ANXA7: variants seen among roughly 807,000 people sequenced by gnomAD.
ANXA7 encodes annexin VII.
In ANXA7, 55 loss-of-function variants were observed where a neutral mutation model predicts 64.9. The observed-to-expected ratio is 0.85, with a 90% CI of 0.68 to 1.06. The LOEUF (loss-of-function observed/expected upper bound fraction) is 1.06. ANXA7 is among the 50% of genes least tolerant of loss of function. ANXA7 has a pLI of 0.00. For missense variants in ANXA7, 548 were observed against 582.1 expected (o/e 0.94, Z 0.60); for synonymous variants, 200 against 192.4 (o/e 1.04, Z -0.33).
At chr10:73,391,937 T>C (rs1249666476) in intron 5 of ANXA7, among the ~76,000 whole-genome samples, 1 of 151,892 alleles carries the variant, frequency 6.6e-6, no homozygotes, top group African/African-American at 2.4e-5. Flanking sequence ...AATTGTTGCA[T>C]AAAATAAGTT....
intron 6 of ANXA7, 125 bp from the exon 7 acceptor site, chr10:73,387,908 A>G: frequency 9.4e-6 from 7 of 748,328 alleles, no homozygotes; most frequent in Non-Finnish European, 1.6e-5. Context: ...TGCAAGTGCA[A>G]TGGTGTGATC....
At chr10:73,387,641 G>C in intron 7 of ANXA7, 48 bp downstream of exon 7, 1 of 1,391,326 alleles carries the variant, frequency 7.2e-7, no homozygotes, top group Non-Finnish European at 1.0e-6. Context: ...CATGAATGCA[G>C]AGTCTACCAG....
intron 5 of ANXA7, among the ~76,000 whole-genome samples, chr10:73,395,710 C>T (rs548464933): frequency 3.3e-5 from 5 of 151,516 alleles, no homozygotes; most frequent in Admixed American, 2.0e-4. Flanking sequence ...CGCTTGAACC[C>T]GGAAGGTGGA....
chr10:73,410,169 AC>A (rs2055816901), intron 1 of ANXA7, among the ~76,000 whole-genome samples: 1 of 152,194 alleles, frequency 6.6e-6, no homozygotes, highest in South Asian at 2.1e-4. Context: ...ACCTAATTAA[AC>A]TAAAAAGCTT....
At chr10:73,393,519 C>T (rs895040914) in intron 5 of ANXA7, among the ~76,000 whole-genome samples, 5 of 152,036 alleles carry the variant, frequency 3.3e-5, no homozygotes, top group Non-Finnish European at 5.9e-5. Flanking sequence ...AGATATAGAC[C>T]AATGGAACAG....
intron 5 of ANXA7, among the ~76,000 whole-genome samples, chr10:73,388,932 T>C (rs975391671): frequency 2.0e-5 from 3 of 152,208 alleles, no homozygotes; most frequent in African/African-American, 7.2e-5. Flanking sequence ...AAAATTGCCA[T>C]TTAGCAAATA....
rs533378083 is a variant in ANXA7, at chr10:73,384,411, A to AT, written c.634-722dup. Among the ~76,000 whole-genome samples, 338 of 151,700 alleles carry AT rather than the reference A, an allele frequency of 2.2e-3. 2 individuals are homozygous for AT. The highest frequency in any genetic ancestry group is 7.2e-3 in the African/African-American group (299 of 41,428). On this transcript the variant is annotated intron_variant, in intron 7 of 12. Coordinates refer to ENST00000372921, the MANE Select transcript of ANXA7 (RefSeq NM_001156.5). ...TTGTTCTTATTTGTTTTTTGTTGTTATTTTTTTTGAGACAGAGTCTCGCTC... is the reference window on the plus strand; with the variant it reads ...TTGTTCTTATTTGTTTTTTGTTGTTATTTTTTTTTGAGACAGAGTCTCGCTC...
In ANXA7 at chr10:73,398,239, T is replaced by C. The variant is rs755347475; in HGVS notation, c.201A>G (p.Pro67=). Residue 67 remains proline (P), a synonymous_variant, in exon 3 of 13, where the codon CCA becomes CCG. Transcript: ENST00000372921. ...GGGCACCAGGATAGCCTCCAGGGGC[T>C]GGATAACCTCCAGGCGCAGGGTAGC... ...AGGYPAPGGY[P]APGGYPGAPQ... 1.4e-5 allele frequency: 22 copies of C among 1,614,010 alleles called. No individual in the cohort carries two copies. The highest frequency in any genetic ancestry group is 1.9e-5 in the Non-Finnish European group (22 of 1,179,988).
At chr10:73,380,246 C>A (rs761969470) in intron 9 of ANXA7, 45 bp from the exon 10 acceptor site, 1 of 1,558,622 alleles carries the variant, frequency 6.4e-7, no homozygotes, top group South Asian at 1.2e-5. Flanking sequence ...AATAATAGTT[C>A]TACTAAATTT....
chr10:73,392,060 T>C (rs560241438), intron 5 of ANXA7, among the ~76,000 whole-genome samples: 89 of 152,170 alleles, frequency 5.8e-4, no homozygotes, highest in African/African-American at 2.0e-3. Context: ...CATCAGAGAA[T>C]AGGATGAACA....
intron 5 of ANXA7, among the ~76,000 whole-genome samples, chr10:73,390,463 T>C (rs774310901): frequency 6.6e-6 from 1 of 152,120 alleles, no homozygotes; most frequent in Non-Finnish European, 1.5e-5. Flanking sequence ...AATATACCTA[T>C]AGTGGTTTTA....
chr10:73,380,926 G>A (rs1034433667), intron 9 of ANXA7, among the ~76,000 whole-genome samples: 2 of 152,128 alleles, frequency 1.3e-5, no homozygotes, highest in Non-Finnish European at 2.9e-5. Flanking sequence ...TGTGTTAAGC[G>A]GTAGGGACAC....
At chr10:73,413,158 G>A (rs1013302654) in intron 1 of ANXA7, among the ~76,000 whole-genome samples, 6 of 151,822 alleles carry the variant, frequency 4.0e-5, no homozygotes, top group Non-Finnish European at 8.8e-5. Flanking sequence ...CACCAGTGAG[G>A]ACTGAAAGAC....
In ANXA7 at chr10:73,387,792, A is replaced by G. The variant is rs963743811; in HGVS notation, c.539-9T>C. ...TGCCTGCTCATCTGTCCCTGGAAGA[A>G]CCACACATGTTTAAGTAAGGACAAA... is the stretch of plus-strand genomic sequence containing the variant. On this transcript the variant is annotated splice_polypyrimidine_tract_variant and intron_variant, in intron 6 of 12. Coordinates refer to ENST00000372921, the MANE Select transcript of ANXA7 (RefSeq NM_001156.5). 2 of 1,611,308 alleles carry G rather than the reference A, an allele frequency of 1.2e-6. No homozygotes were observed. The highest frequency in any genetic ancestry group is 1.7e-6 in the Non-Finnish European group (2 of 1,178,148).
intron 5 of ANXA7, chr10:73,395,954 G>A (rs1173074969): frequency 2.4e-6 from 2 of 832,712 alleles, no homozygotes; most frequent in African/African-American, 1.7e-5. Context: ...GAGCCCTTAA[G>A]AAGTAGTGAG....
intron 12 of ANXA7, among the ~76,000 whole-genome samples, chr10:73,377,721 T>C (rs531585221): frequency 5.3e-5 from 8 of 150,752 alleles, no homozygotes; most frequent in African/African-American, 2.0e-4. Flanking sequence ...AGGTGATCCT[T>C]CCACCTCAAC....
At chr10:73,392,560 T>G (rs1344645052) in intron 5 of ANXA7, among the ~76,000 whole-genome samples, 2 of 152,160 alleles carry the variant, frequency 1.3e-5, no homozygotes, top group Non-Finnish European at 2.9e-5. Context: ...TGCAAATCAG[T>G]AAATGTAATC....
intron 5 of ANXA7, among the ~76,000 whole-genome samples, chr10:73,390,713 TATATATAA>T (rs2055462131): frequency 4.4e-5 from 5 of 114,710 alleles, no homozygotes; most frequent in Admixed American, 2.5e-4. Context: ...TATATATATA[TATATATAA>T]AAATATATAT....
At position 73,376,250 on chromosome 10, in the gene ANXA7, C is replaced by T. The variant is rs766142987; in HGVS notation, c.1279-33G>A. Reference sequence around the variant, plus strand: ...AGAAATAATATTTCTGTCAGAAAAACATCTGTGACAACTGACATTTCTTAA... The same window carrying T: ...AGAAATAATATTTCTGTCAGAAAAATATCTGTGACAACTGACATTTCTTAA... On this transcript the variant is annotated intron_variant, in intron 12 of 12. Coordinates refer to ENST00000372921, the MANE Select transcript of ANXA7 (RefSeq NM_001156.5). 10 of 1,523,558 alleles carry T rather than the reference C, an allele frequency of 6.6e-6. No homozygotes were observed. In the East Asian group the frequency reaches 2.4e-4, roughly 36 times the overall value. The allele number at this position is 1,523,558 out of a possible 1,614,324, so 94.4% of individuals were successfully genotyped here.
Sources: gnomAD v4.1 joint callset for allele counts (sites outside exome capture counted in the v4.1 genomes callset) on GRCh38, gnomAD v4.1.1 for gene constraint, MANE v1.5 for transcripts, NCBI Gene and HGNC (gene_info 2026-07-23, HGNC 2026-07-21) for gene names.